The following EMCN variants were observed in gnomAD, a reference collection of about 807,000 sequenced individuals.
EMCN encodes the protein MUC-14.
Under a neutral mutation model 38.4 loss-of-function variants are expected in EMCN, and 37 were observed. The ratio of observed to expected loss-of-function variants is 0.96; its 90% CI spans 0.74 to 1.27. EMCN has a LOEUF of 1.27. Among genes scored for constraint, EMCN ranks in the 50% most tolerant of loss-of-function variants. EMCN has a pLI of 0.00. For synonymous variants in EMCN, 95 were observed against 100.8 expected, an observed-to-expected ratio of 0.94 and a Z score of 0.35; for missense variants, 318 against 302.8, an observed-to-expected ratio of 1.05 and a Z score of -0.37.
chr4:100,492,814 AG>A (rs1242594652), intron 1 of EMCN, among the ~76,000 whole-genome samples: 1 of 152,152 alleles, frequency 6.6e-6, no homozygotes, highest in Non-Finnish European at 1.5e-5. Flanking sequence ...AAAAAAAGCA[AG>A]GGGTGGTGTA....
At chr4:100,434,043 G>A (rs1053343012) in intron 5 of EMCN, among the ~76,000 whole-genome samples, 5 of 151,996 alleles carry the variant, frequency 3.3e-5, no homozygotes, top group African/African-American at 7.2e-5. Flanking sequence ...AACTGAAGGA[G>A]ATACAGAACG....
chr4:100,420,692 CAT>C (rs1406884272), intron 8 of EMCN, among the ~76,000 whole-genome samples: 2 of 151,820 alleles, frequency 1.3e-5, no homozygotes, highest in African/African-American at 4.8e-5. Context: ...ACAAACATAC[CAT>C]CAGATCTTAA....
intron 5 of EMCN, among the ~76,000 whole-genome samples, chr4:100,430,648 A>G (rs1727170815): frequency 6.6e-6 from 1 of 152,136 alleles, no homozygotes; most frequent in Non-Finnish European, 1.5e-5. Context: ...GTGAGTTTTT[A>G]TGACTTTTCA....
At chr4:100,466,459 T>C (rs946191599) in intron 3 of EMCN, among the ~76,000 whole-genome samples, 1 of 152,222 alleles carries the variant, frequency 6.6e-6, no homozygotes. Context: ...GTTGAGGAAG[T>C]CATGCTGAAG....
At chr4:100,460,474 GA>G (rs1728148809) in intron 4 of EMCN, among the ~76,000 whole-genome samples, 1 of 152,136 alleles carries the variant, frequency 6.6e-6, no homozygotes, top group African/African-American at 2.4e-5. Context: ...CATGGCAGGG[GA>G]GGCGTCACAA....
intron 4 of EMCN, among the ~76,000 whole-genome samples, chr4:100,457,420 T>C (rs1019685872): frequency 2.6e-5 from 4 of 152,236 alleles, no homozygotes; most frequent in African/African-American, 7.2e-5. Context: ...CTGTTGACTA[T>C]AAAGTTACTT....
At chr4:100,416,223 T>G (rs1350094287) in intron 9 of EMCN, among the ~76,000 whole-genome samples, 2 of 152,144 alleles carry the variant, frequency 1.3e-5, no homozygotes, top group African/African-American at 4.8e-5. Context: ...AATAAATCCC[T>G]GCCACTCTCT....
rs1470166950 is a variant in EMCN at position 100,396,153 on chromosome 4, G to GC, written c.*2259dup. ...GAAGTTTAAGTTGGTTTATAAAAAT[G>GC]CAGACCTTACCTTTGAGATTGATAT... On this transcript the variant is annotated 3_prime_UTR_variant, in exon 12 of 12. Transcript: ENST00000296420. 4 of 152,148 alleles carry GC rather than the reference G, an allele frequency of 2.6e-5. No homozygotes were observed. Among genetic ancestry groups the GC allele is most frequent in the African/African-American group, 9.7e-5 (4 of 41,446 alleles). The allele number at this position is 152,148 out of a possible 1,614,324, so 9.4% of individuals were successfully genotyped here. A position where few individuals can be genotyped will look rare whatever the true frequency, so the allele number is the denominator to read the frequency against.
At chr4:100,485,150 C>T (rs958212115) in intron 1 of EMCN, among the ~76,000 whole-genome samples, 2 of 152,108 alleles carry the variant, frequency 1.3e-5, no homozygotes, top group Non-Finnish European at 2.9e-5. Context: ...GTAATAATGT[C>T]ATAACCTAGA....
At chr4:100,462,090 G>T (rs1485811175) in intron 4 of EMCN, among the ~76,000 whole-genome samples, 2 of 152,176 alleles carry the variant, frequency 1.3e-5, no homozygotes, top group Admixed American at 1.3e-4. Flanking sequence ...TAAGCACCTT[G>T]AGAAAAGAGA....
At chr4:100,482,112 T>G (rs1459706963) in intron 1 of EMCN, among the ~76,000 whole-genome samples, 1 of 152,160 alleles carries the variant, frequency 6.6e-6, no homozygotes, top group Non-Finnish European at 1.5e-5. Context: ...TAATAATGTA[T>G]ATCATATATG....
At chr4:100,494,165 GA>G (rs1236359698) in intron 1 of EMCN, among the ~76,000 whole-genome samples, 1 of 152,072 alleles carries the variant, frequency 6.6e-6, no homozygotes, top group Admixed American at 6.5e-5. Flanking sequence ...TCTGATTTTT[GA>G]TTTTTTATAC....
intron 1 of EMCN, among the ~76,000 whole-genome samples, chr4:100,496,896 C>T (rs1228194254): frequency 6.6e-6 from 1 of 152,038 alleles, no homozygotes; most frequent in Non-Finnish European, 1.5e-5. Context: ...TTAAGGTCTC[C>T]AAATCAGTCA....
At chr4:100,465,142 T>C (rs535606796) in intron 4 of EMCN, among the ~76,000 whole-genome samples, 1 of 152,274 alleles carries the variant, frequency 6.6e-6, no homozygotes, top group African/African-American at 2.4e-5. Context: ...ATCTAAGTTG[T>C]CTAATTTTTT....
chr4:100,436,810 A>G (rs1377495955), intron 5 of EMCN, among the ~76,000 whole-genome samples: 1 of 152,188 alleles, frequency 6.6e-6, no homozygotes, highest in Non-Finnish European at 1.5e-5. Flanking sequence ...GAGCTGAGCC[A>G]TAAGAACACA....
intron 4 of EMCN, among the ~76,000 whole-genome samples, chr4:100,448,340 C>T (rs892076026): frequency 1.3e-5 from 2 of 152,068 alleles, no homozygotes; most frequent in Non-Finnish European, 2.9e-5. Flanking sequence ...CACTTGCTTC[C>T]TTTGTATATT....
rs556935658 is a variant in EMCN, at chr4:100,460,724, C to A, written c.376+4699G>T. 2.6e-5 allele frequency among the ~76,000 whole-genome samples: 4 copies of A among 152,240 alleles called. No individual in the cohort carries two copies. The South Asian group carries it at 8.3e-4, about 32-fold the overall frequency. On this transcript the variant is annotated intron_variant, in intron 4 of 11. Coordinates refer to ENST00000296420, the MANE Select transcript of EMCN (RefSeq NM_016242.4). Reference sequence around the variant, plus strand: ...AAGTGAGATTTGAGTGGGGACACAGCCAAACCATTATCAATAGGTTATCTC... The same window carrying A: ...AAGTGAGATTTGAGTGGGGACACAGACAAACCATTATCAATAGGTTATCTC...
intron 11 of EMCN, among the ~76,000 whole-genome samples, chr4:100,404,251 C>A (rs1168714178): frequency 3.9e-5 from 6 of 152,048 alleles, no homozygotes; most frequent in African/African-American, 1.4e-4. Context: ...GGTAAGGATC[C>A]AGTTTTAATC....
At position 100,423,293 on chromosome 4, in the gene EMCN, A is replaced by T. The variant is rs1307205586; in HGVS notation, c.508+19T>A. ...GGTCAGGTAGAGCAGATTTCCACTC[A>T]GGCACACAGATATCATACCTTGAGA... On this transcript the variant is annotated intron_variant, in intron 6 of 11. Transcript: ENST00000296420. The T allele has an allele frequency of 1.9e-6, 3 of 1,578,690 alleles. No individual in the cohort carries two copies. In the Admixed American group the frequency reaches 5.0e-5, roughly 26 times the overall value.
Sources: gnomAD v4.1 joint callset for allele counts (sites outside exome capture counted in the v4.1 genomes callset) on GRCh38, gnomAD v4.1.1 for gene constraint, MANE v1.5 for transcripts, NCBI Gene and HGNC (gene_info 2026-07-23, HGNC 2026-07-21) for gene names.